Variants in TTBK2 observed in about 807,000 individuals in gnomAD.
TTBK2 encodes the protein tau-tubulin kinase 2.
Under a neutral mutation model 110.8 loss-of-function variants are expected in TTBK2, and 28 were observed. The observed-to-expected ratio is 0.25, with a 90% CI of 0.19 to 0.35. The LOEUF (loss-of-function observed/expected upper bound fraction) is 0.35, where lower values mean the gene tolerates loss of function less well. Among genes scored for constraint, TTBK2 ranks in the 10% least tolerant of loss-of-function variants. The pLI is 1.00. For synonymous variants in TTBK2, 532 were observed against 527.3 expected (o/e 1.01, Z -0.12); for missense variants, 1,369 against 1,500.3 (o/e 0.91, Z 1.45).
At chr15:42,794,860 A>G (rs1890864534) in intron 9 of TTBK2, 59 bp from the exon 10 acceptor site, 2 of 1,600,862 alleles carry the variant, frequency 1.2e-6, no homozygotes, top group South Asian at 1.1e-5. Flanking sequence ...ACTTTATTCT[A>G]TAAGAGAAAG....
At chr15:42,841,083 T>C (rs1893201490) in intron 3 of TTBK2, among the ~76,000 whole-genome samples, 1 of 152,214 alleles carries the variant, frequency 6.6e-6, no homozygotes, top group Non-Finnish European at 1.5e-5. Flanking sequence ...CGGAAAACTT[T>C]ATTTTTGTTT....
rs182972798 is a variant in TTBK2, at chr15:42,850,773, T to C, written c.218-10340A>G. Reference sequence around the variant, plus strand: ...ATGTGAAAAAAAGTGAAGTTCTTAATTGTACTTTGCTTCTTGTCTTTGAAT... The same window carrying C: ...ATGTGAAAAAAAGTGAAGTTCTTAACTGTACTTTGCTTCTTGTCTTTGAAT... On this transcript the variant is annotated intron_variant, in intron 3 of 14. Transcript: ENST00000267890. Among the ~76,000 whole-genome samples the C allele has an allele frequency of 6.1e-3, 925 of 152,322 alleles. 7 individuals carry two copies. Among genetic ancestry groups the C allele is most frequent in the Admixed American group, 0.01 (154 of 15,298 alleles).
chr15:42,838,228 T>G (rs1371196607), intron 4 of TTBK2, among the ~76,000 whole-genome samples: 1 of 151,578 alleles, frequency 6.6e-6, no homozygotes, highest in African/African-American at 2.4e-5. Context: ...TAAAATAAAA[T>G]AAAGAAACCA....
intron 1 of TTBK2, among the ~76,000 whole-genome samples, chr15:42,889,115 A>G (rs1364275919): frequency 6.6e-6 from 1 of 152,120 alleles, no homozygotes; most frequent in Admixed American, 6.5e-5. Context: ...ATGGAAATCT[A>G]TCCTCAAGGA....
rs539995697 is a variant in TTBK2 at position 42,777,334 on chromosome 15, T to A, written c.1198-92A>T. The A allele has an allele frequency of 7.7e-6, 10 of 1,290,600 alleles. No individual in the cohort carries two copies. The Admixed American group carries it at 1.7e-4, about 21-fold the overall frequency. The allele number at this position is 1,290,600 out of a possible 1,614,324, so 79.9% of individuals were successfully genotyped here. ...AGCCTTTCAAAATAATATAAATAAA[T>A]GATTAGATGTGTTTTCAGATGATTA... On this transcript the variant is annotated intron_variant, in intron 11 of 14. Coordinates refer to ENST00000267890, the MANE Select transcript of TTBK2 (RefSeq NM_173500.4).
intron 13 of TTBK2, among the ~76,000 whole-genome samples, chr15:42,769,175 C>T (rs1041986508): frequency 2.2e-4 from 33 of 152,160 alleles, no homozygotes; most frequent in African/African-American, 7.5e-4. Context: ...AAAACCTAGG[C>T]AATACCATTC....
At chr15:42,838,622 C>A (rs1760954733) in intron 4 of TTBK2, among the ~76,000 whole-genome samples, 2 of 152,100 alleles carry the variant, frequency 1.3e-5, no homozygotes, top group South Asian at 4.1e-4. Flanking sequence ...TCAACGCCAG[C>A]CTGGCCAACA....
Position 42,852,157 on chromosome 15 carries a change from C to T in TTBK2, c.218-11724G>A, listed in dbSNP as rs12592438. ...CGATCTCGGCTCACTGCAACCTCTG[C>T]CTCCCAGGTTCAAGTGATTCTCCTG... On this transcript the variant is annotated intron_variant, in intron 3 of 14. Coordinates refer to ENST00000267890, the MANE Select transcript of TTBK2 (RefSeq NM_173500.4). Among the ~76,000 whole-genome samples, 730 of 152,044 alleles carry T rather than the reference C, an allele frequency of 4.8e-3. 14 individuals are homozygous for T. The East Asian group carries it at 0.057, about 12-fold the overall frequency.
intron 4 of TTBK2, among the ~76,000 whole-genome samples, chr15:42,833,655 T>A (rs1449909548): frequency 5.9e-5 from 9 of 152,076 alleles, no homozygotes; most frequent in Non-Finnish European, 1.2e-4. Context: ...GGAGGATCAC[T>A]TGAGCCCAGG....
chr15:42,842,752 C>T (rs1469980071), intron 3 of TTBK2, among the ~76,000 whole-genome samples: 1 of 150,776 alleles, frequency 6.6e-6, no homozygotes, highest in Non-Finnish European at 1.5e-5. Flanking sequence ...TTTTTTTGCA[C>T]CTGTGTTATC....
intron 3 of TTBK2, among the ~76,000 whole-genome samples, chr15:42,862,336 A>T (rs140899987): frequency 6.6e-6 from 1 of 152,214 alleles, no homozygotes; most frequent in Non-Finnish European, 1.5e-5. Context: ...AAAATCCTCA[A>T]CAAAATACTA....
At chr15:42,903,299 G>A (rs2030181022) in intron 1 of TTBK2, among the ~76,000 whole-genome samples, 1 of 152,060 alleles carries the variant, frequency 6.6e-6, no homozygotes, top group African/African-American at 2.4e-5. Flanking sequence ...AGTGTTTAAC[G>A]GGTATGGAGT....
chr15:42,890,372 T>C (rs145838315), intron 1 of TTBK2, among the ~76,000 whole-genome samples: 2 of 152,224 alleles, frequency 1.3e-5, no homozygotes, highest in Admixed American at 6.5e-5. Flanking sequence ...ATCCATATGT[T>C]GTGAGGGTAG....
intron 9 of TTBK2, among the ~76,000 whole-genome samples, chr15:42,795,132 T>C (rs1890878238): frequency 6.6e-6 from 1 of 152,228 alleles, no homozygotes; most frequent in African/African-American, 2.4e-5. Context: ...ATCTATTTTA[T>C]CATTTATTTG....
At chr15:42,751,881 G>A in intron 14 of TTBK2, 93 bp downstream of exon 14, 2 of 1,446,334 alleles carry the variant, frequency 1.4e-6, no homozygotes, top group Non-Finnish European at 1.9e-6. Flanking sequence ...CTGAGAAGGG[G>A]GCAACACAGA....
intron 1 of TTBK2, among the ~76,000 whole-genome samples, chr15:42,885,571 C>A (rs535360365): frequency 1.2e-4 from 18 of 152,342 alleles, no homozygotes; most frequent in African/African-American, 3.6e-4. Context: ...TATTCACCCA[C>A]GTTTCAGAGG....
chr15:42,763,081 A>ATT (rs1472539817), intron 13 of TTBK2, among the ~76,000 whole-genome samples: 1 of 115,064 alleles, frequency 8.7e-6, no homozygotes, highest in African/African-American at 4.4e-5. Context: ...ACAGTTAACA[A>ATT]TTTTATATAT....
rs1186266137 is a variant in TTBK2 at position 42,753,067 on chromosome 15, T to C, written c.2179A>G (p.Arg727Gly). 6.2e-7 allele frequency: 1 copy of C among 1,610,882 alleles called. No homozygotes were observed. The highest frequency in any genetic ancestry group is 1.3e-5 in the African/African-American group (1 of 74,714). Reference sequence around the variant, plus strand: ...TCTATCTGAAGCCCCAAATCTGTTCTGCTTCCTCCACTAGGAGGTTCACCC... The same window carrying C: ...TCTATCTGAAGCCCCAAATCTGTTCCGCTTCCTCCACTAGGAGGTTCACCC... Reference protein sequence around the residue: ...TEGEPPSGGSRTDLGLQIDHI... With the variant: ...TEGEPPSGGSGTDLGLQIDHI... Residue 727 changes from arginine to glycine, a missense_variant, in exon 14 of 15, where the codon AGA becomes GGA. Arg to Gly is a moderately radical substitution (Grantham distance 125). Transcript: ENST00000267890.
intron 13 of TTBK2, among the ~76,000 whole-genome samples, chr15:42,759,575 C>T (rs1194085064): frequency 6.6e-6 from 1 of 152,210 alleles, no homozygotes; most frequent in African/African-American, 2.4e-5. Flanking sequence ...GAGAAGCAGC[C>T]TGGTGAGACC....
Sources: gnomAD v4.1 joint callset for allele counts (sites outside exome capture counted in the v4.1 genomes callset) on GRCh38, gnomAD v4.1.1 for gene constraint, MANE v1.5 for transcripts, NCBI Gene and HGNC (gene_info 2026-07-23, HGNC 2026-07-21) for gene names.